The following MYO10 variants were observed in gnomAD, a reference collection of about 807,000 sequenced individuals.
MYO10 encodes the protein myosin X, also known as unconventional myosin-X.
Under a neutral mutation model 257.3 loss-of-function variants are expected in MYO10, and 133 were observed. That is an observed-to-expected ratio of 0.52 (90% CI 0.45 to 0.60). The LOEUF is 0.60. Ranked by LOEUF, MYO10 falls within the 20% of genes least tolerant of loss-of-function variation. The pLI, the probability that MYO10 is intolerant of heterozygous loss-of-function variation, is 0.00. For missense variants in MYO10, 2,399 were observed against 2,635.7 expected (o/e 0.91, Z 1.97); for synonymous variants, 1,104 against 1,028.6 (o/e 1.07, Z -1.40).
At chr5:16,792,377 T>C (rs545204095) in intron 4 of MYO10, among the ~76,000 whole-genome samples, 2 of 152,188 alleles carry the variant, frequency 1.3e-5, no homozygotes, top group African/African-American at 2.4e-5. Context: ...GGGGTTTCAA[T>C]GTGCCGATGC....
chr5:16,804,106 C>T (rs962736697), intron 3 of MYO10, among the ~76,000 whole-genome samples: 4 of 152,162 alleles, frequency 2.6e-5, no homozygotes, highest in African/African-American at 4.8e-5. Context: ...GGATCTACAG[C>T]GAATGCCTTC....
intron 19 of MYO10, among the ~76,000 whole-genome samples, chr5:16,753,722 C>G (rs771161696): frequency 5.7e-4 from 87 of 152,030 alleles, no homozygotes; most frequent in African/African-American, 7.7e-4. Flanking sequence ...CCGCCCACCT[C>G]GACCTCCCAA....
chr5:16,797,524 A>G (rs1005545443), intron 3 of MYO10, among the ~76,000 whole-genome samples: 6 of 152,370 alleles, frequency 3.9e-5, no homozygotes, highest in Non-Finnish European at 8.8e-5. Flanking sequence ...ACTTGTACAC[A>G]CATGTTCACA....
At chr5:16,778,630 T>C (rs79411269) in intron 9 of MYO10, among the ~76,000 whole-genome samples, 1,734 of 150,290 alleles carry the variant, frequency 0.012, 9 homozygotes, top group South Asian at 0.034. Context: ...TGTAGTGACC[T>C]GGAAATCAAC....
At chr5:16,749,707 A>G (rs1056113116) in intron 19 of MYO10, among the ~76,000 whole-genome samples, 4 of 152,340 alleles carry the variant, frequency 2.6e-5, no homozygotes, top group Admixed American at 2.6e-4. Flanking sequence ...CATCCTGGAC[A>G]CAGCAAACCT....
intron 1 of MYO10, among the ~76,000 whole-genome samples, chr5:16,900,757 T>TTTTTTTTTTTTG (rs1561048735): frequency 6.6e-6 from 1 of 150,988 alleles, no homozygotes; most frequent in East Asian, 1.9e-4. Flanking sequence ...TTTTTTTTTT[T>TTTTTTTTTTTTG]GAGACAGAGT....
At chr5:16,762,293 G>A (rs1346509812) in intron 15 of MYO10, among the ~76,000 whole-genome samples, 180 bp from the exon 16 acceptor site, 3 of 152,044 alleles carry the variant, frequency 2.0e-5, no homozygotes, top group Non-Finnish European at 2.9e-5. Flanking sequence ...GTTAACTCTC[G>A]ATTGTGTCAT....
intron 5 of MYO10, 81 bp downstream of exon 5, chr5:16,783,254 T>C: frequency 7.3e-7 from 1 of 1,372,694 alleles, no homozygotes. Context: ...CGCGACCAAC[T>C]AATTTTAACT....
chr5:16,729,992 T>TC (rs1739520211), intron 19 of MYO10, among the ~76,000 whole-genome samples: 1 of 151,566 alleles, frequency 6.6e-6, no homozygotes, highest in Non-Finnish European at 1.5e-5. Context: ...CCGAGGGGAG[T>TC]CTCTTTGGTC....
At position 16,662,755 on chromosome 5, in the gene MYO10, G is replaced by A. The variant is rs2126432859; in HGVS notation, c.*3937C>T. The A allele has an allele frequency of 6.6e-6, 1 of 152,246 alleles. No homozygotes were observed. Among genetic ancestry groups the A allele is most frequent in the East Asian group, 1.9e-4 (1 of 5,162 alleles). The allele number at this position is 152,246 out of a possible 1,614,324, so 9.4% of individuals were successfully genotyped here. A position where few individuals can be genotyped will look rare whatever the true frequency, so the allele number is the denominator to read the frequency against. On this transcript the variant is annotated 3_prime_UTR_variant, in exon 41 of 41. Coordinates refer to ENST00000513610, the MANE Select transcript of MYO10 (RefSeq NM_012334.3). ...CCTGATGGGAGGTAATTGAATCATG[G>A]GGGTGGGTTTTCCCATGCTGTTCTT...
chr5:16,683,191 T>C (rs1337088879), intron 30 of MYO10, among the ~76,000 whole-genome samples: 1 of 152,208 alleles, frequency 6.6e-6, no homozygotes, highest in African/African-American at 2.4e-5. Context: ...AACACACTCG[T>C]ATTCACTTTC....
intron 19 of MYO10, among the ~76,000 whole-genome samples, chr5:16,735,001 G>A (rs1739732495): frequency 6.6e-6 from 1 of 152,116 alleles, no homozygotes; most frequent in Non-Finnish European, 1.5e-5. Flanking sequence ...CCTGATGGGA[G>A]AACAGAAAAC....
chr5:16,818,288 A>G, intron 2 of MYO10, 121 bp from the exon 3 acceptor site: 1 of 873,328 alleles, frequency 1.1e-6, no homozygotes, highest in Non-Finnish European at 1.7e-6. Flanking sequence ...TAAATTGGAC[A>G]ATCAAAAATA....
At chr5:16,926,428 G>A (rs955465321) in intron 1 of MYO10, among the ~76,000 whole-genome samples, 1 of 152,152 alleles carries the variant, frequency 6.6e-6, no homozygotes, top group Non-Finnish European at 1.5e-5. Flanking sequence ...CTGGCCAGGT[G>A]GGGTGGCTCA....
chr5:16,902,669 C>T (rs1005812522), intron 1 of MYO10: 44 of 1,143,996 alleles, frequency 3.8e-5, no homozygotes, highest in Admixed American at 5.1e-5. Context: ...GAGAGAGGCC[C>T]GGCTAATTTT....
chr5:16,798,858 A>G (rs951560077), intron 3 of MYO10, among the ~76,000 whole-genome samples: 3 of 152,286 alleles, frequency 2.0e-5, no homozygotes, highest in East Asian at 1.9e-4. Context: ...GGCGGGCTCA[A>G]CTGAGCACAC....
At chr5:16,699,641 A>G (rs758674152) in intron 25 of MYO10, 68 bp from the exon 26 acceptor site, 3 of 1,595,380 alleles carry the variant, frequency 1.9e-6, no homozygotes, top group Non-Finnish European at 2.6e-6. Context: ...GATACCCAGC[A>G]TGTATCATCA....
At chr5:16,920,716 A>G (rs987905064) in intron 1 of MYO10, among the ~76,000 whole-genome samples, 1 of 152,248 alleles carries the variant, frequency 6.6e-6, no homozygotes, top group Admixed American at 6.5e-5. Flanking sequence ...TGATTTTGAC[A>G]CTGTATTTTG....
chr5:16,680,521 G>A (rs1736943659), intron 32 of MYO10, among the ~76,000 whole-genome samples: 1 of 152,016 alleles, frequency 6.6e-6, no homozygotes, highest in Non-Finnish European at 1.5e-5. Context: ...GACAGCACTT[G>A]GCCTGGCAGT....
Sources: allele counts gnomAD v4.1 joint callset (sites outside exome capture counted in the v4.1 genomes callset), GRCh38; gene constraint gnomAD v4.1.1; transcripts MANE v1.5; gene names NCBI Gene and HGNC (gene_info 2026-07-23, HGNC 2026-07-21).